PDE11A: variants seen among roughly 807,000 people sequenced by gnomAD.
PDE11A encodes the protein phosphodiesterase 11A.
In PDE11A, 100 loss-of-function variants were observed where a neutral mutation model predicts 100.5. That is an observed-to-expected ratio of 1.00 (90% CI 0.85 to 1.18). The LOEUF (loss-of-function observed/expected upper bound fraction) is 1.18. Ranked by LOEUF, PDE11A falls within the 50% of genes most tolerant of loss-of-function variation. The pLI, the probability that PDE11A is intolerant of heterozygous loss-of-function variation, is 0.00. For missense variants in PDE11A, 1,141 were observed against 1,152.6 expected (o/e 0.99, Z 0.15); for synonymous variants, 381 against 420.8 (o/e 0.91, Z 1.16).
intron 1 of PDE11A, among the ~76,000 whole-genome samples, chr2:178,040,592 G>A (rs2086671367): frequency 6.6e-6 from 1 of 152,130 alleles, no homozygotes; most frequent in African/African-American, 2.4e-5. Context: ...AGCAACATGA[G>A]CAGTTAACAA....
intron 10 of PDE11A, among the ~76,000 whole-genome samples, chr2:177,753,977 C>A (rs2082057096): frequency 6.6e-6 from 1 of 152,084 alleles, no homozygotes; most frequent in Non-Finnish European, 1.5e-5. Flanking sequence ...TAATCTTGAT[C>A]TTCACAGCTG....
chr2:177,710,020 G>A (rs535942878), intron 13 of PDE11A, among the ~76,000 whole-genome samples: 2 of 152,270 alleles, frequency 1.3e-5, no homozygotes, highest in East Asian at 3.9e-4. Context: ...GCTGGAGAGT[G>A]AAGTGGGGAT....
chr2:178,083,048 G>A (rs1574389633), intron 2 of PDE11A, among the ~76,000 whole-genome samples: 1 of 151,874 alleles, frequency 6.6e-6, no homozygotes, highest in African/African-American at 2.4e-5. Context: ...CTGCTAGTTA[G>A]GGCTAATTGA....
intron 12 of PDE11A, among the ~76,000 whole-genome samples, chr2:177,717,343 G>C (rs2081454372): frequency 6.7e-6 from 1 of 149,200 alleles, no homozygotes; most frequent in Non-Finnish European, 1.5e-5. Context: ...TATCCATTCA[G>C]GCCTGCACGT....
intron 1 of PDE11A, among the ~76,000 whole-genome samples, chr2:178,020,927 GTGTGTGTGTGTGTGT>G (rs2086402190): frequency 2.6e-4 from 5 of 19,292 alleles, no homozygotes; most frequent in Non-Finnish European, 3.9e-4. Context: ...TTGTCTTGGT[GTGTGTGTGTGTGTGT>G]GTGTGTGTGT....
At chr2:178,005,857 T>C (rs548306974) in intron 2 of PDE11A, among the ~76,000 whole-genome samples, 115 of 152,284 alleles carry the variant, frequency 7.6e-4, no homozygotes, top group African/African-American at 2.6e-3. Context: ...AACTACCTTA[T>C]GTAGATCCTG....
chr2:177,763,438 T>C (rs1042544342), intron 10 of PDE11A, among the ~76,000 whole-genome samples: 3 of 152,256 alleles, frequency 2.0e-5, no homozygotes, highest in African/African-American at 7.2e-5. Flanking sequence ...TTTCAGAAGG[T>C]AGCATTTCAG....
intron 9 of PDE11A, among the ~76,000 whole-genome samples, chr2:177,776,886 T>C (rs1378989879): frequency 6.6e-6 from 1 of 152,134 alleles, no homozygotes; most frequent in Non-Finnish European, 1.5e-5. Context: ...TATGTCATGG[T>C]AGGAACCTGG....
At chr2:178,092,156 T>C (rs1313972281) in intron 2 of PDE11A, among the ~76,000 whole-genome samples, 1 of 152,236 alleles carries the variant, frequency 6.6e-6, no homozygotes, top group African/African-American at 2.4e-5. Context: ...ATGTCTTCTA[T>C]ATTTACATTT....
chr2:177,998,372 TAA>T (rs1341126256), intron 2 of PDE11A: 1 of 825,428 alleles, frequency 1.2e-6, no homozygotes, highest in Non-Finnish European at 2.2e-6. Context: ...ACAATGAACC[TAA>T]AGTCCCTTTT....
chr2:177,985,312 T>G (rs1283019390), intron 2 of PDE11A, among the ~76,000 whole-genome samples: 1 of 152,214 alleles, frequency 6.6e-6, no homozygotes, highest in Non-Finnish European at 1.5e-5. Context: ...ATAGTAAAGC[T>G]TTCTTGAAAA....
intron 18 of PDE11A, among the ~76,000 whole-genome samples, chr2:177,668,494 T>G (rs2080623675): frequency 6.6e-6 from 1 of 152,184 alleles, no homozygotes; most frequent in Admixed American, 6.5e-5. Flanking sequence ...CTCAAATAAT[T>G]GTTGTGTGTG....
intron 10 of PDE11A, among the ~76,000 whole-genome samples, chr2:177,736,789 A>G (rs2081790768): frequency 6.6e-6 from 1 of 152,190 alleles, no homozygotes; most frequent in Non-Finnish European, 1.5e-5. Flanking sequence ...TTTGCACTCA[A>G]GAGTTCACCA....
chr2:178,099,816 G>A (rs2087539937), intron 2 of PDE11A, among the ~76,000 whole-genome samples: 1 of 152,164 alleles, frequency 6.6e-6, no homozygotes, highest in South Asian at 2.1e-4. Context: ...ACACCCATGT[G>A]CATAGCAGCA....
chr2:177,683,784 G>A (rs1008209296), intron 15 of PDE11A, among the ~76,000 whole-genome samples: 1 of 152,166 alleles, frequency 6.6e-6, no homozygotes, highest in Non-Finnish European at 1.5e-5. Flanking sequence ...ACTGTGAAGT[G>A]AAATAGAAAG....
chr2:177,973,094 C>G (rs566088963), intron 2 of PDE11A, among the ~76,000 whole-genome samples: 3 of 151,876 alleles, frequency 2.0e-5, no homozygotes, highest in Admixed American at 6.5e-5. Flanking sequence ...TCAAGATGGC[C>G]GAATAGGAAC....
chr2:178,084,406 T>C (rs1297974654), intron 2 of PDE11A, among the ~76,000 whole-genome samples: 1 of 152,212 alleles, frequency 6.6e-6, no homozygotes, highest in Non-Finnish European at 1.5e-5. Context: ...TCAAGTAAAA[T>C]TGCACAATAA....
At chr2:177,703,604 C>T (rs1337524769) in intron 13 of PDE11A, among the ~76,000 whole-genome samples, 1 of 152,186 alleles carries the variant, frequency 6.6e-6, no homozygotes, top group African/African-American at 2.4e-5. Flanking sequence ...TGCTCACATG[C>T]ACCTCACTTA....
At position 177,880,061 on chromosome 2, in the gene PDE11A, A is replaced by G. The variant is rs73977793; in HGVS notation, c.1303-4138T>C. ...GCTGTGTCCTCCAGTAAAATGGCTT[A>G]TGGTGCCATGATCAAAGTCAGACAC... On this transcript the variant is annotated intron_variant, in intron 4 of 19. Transcript: ENST00000286063. 7.2e-3 allele frequency among the ~76,000 whole-genome samples: 1,102 copies of G among 152,328 alleles called. 10 individuals are homozygous for G. Among genetic ancestry groups the G allele is most frequent in the African/African-American group, 0.025 (1,035 of 41,582 alleles).
Sources: allele counts gnomAD v4.1 joint callset (sites outside exome capture counted in the v4.1 genomes callset), GRCh38; gene constraint gnomAD v4.1.1; transcripts MANE v1.5; gene names NCBI Gene and HGNC (gene_info 2026-07-23, HGNC 2026-07-21).